The following PDGFRA variants were observed in gnomAD, a reference collection of about 807,000 sequenced individuals.
PDGFRA encodes platelet derived growth factor receptor alpha, also known as platelet-derived growth factor receptor alpha.
PDGFRA carries 25 observed loss-of-function variants against 121.5 expected under a neutral mutation model. The observed-to-expected ratio is 0.21, with a 90% CI of 0.15 to 0.29. The LOEUF is 0.29. PDGFRA is among the 10% of genes least tolerant of loss of function. The pLI is 1.00. For synonymous variants in PDGFRA, 463 were observed against 494.8 expected (o/e 0.94, Z 0.85); for missense variants, 1,008 against 1,345.1 (o/e 0.75, Z 3.92).
chr4:54,255,719 A>G (rs1037234429), intron 1 of PDGFRA, among the ~76,000 whole-genome samples: 1 of 151,876 alleles, frequency 6.6e-6, no homozygotes, highest in African/African-American at 2.4e-5. Flanking sequence ...GTTAGCCAGG[A>G]TGGTCTCCAT....
intron 10 of PDGFRA, 98 bp downstream of exon 10, chr4:54,273,828 C>A: frequency 1.1e-6 from 1 of 932,252 alleles, no homozygotes; most frequent in Non-Finnish European, 1.7e-6. Flanking sequence ...AAATGAAGGT[C>A]CCAAGGCAGA....
At chr4:54,271,313 G>A (rs1003481678) in intron 8 of PDGFRA, among the ~76,000 whole-genome samples, 3 of 152,196 alleles carry the variant, frequency 2.0e-5, no homozygotes, top group African/African-American at 7.2e-5. Context: ...GTGCGCTCAT[G>A]TGATCCTCAC....
intron 5 of PDGFRA, among the ~76,000 whole-genome samples, chr4:54,265,730 A>G (rs1329009427): frequency 6.6e-6 from 1 of 152,222 alleles, no homozygotes; most frequent in Non-Finnish European, 1.5e-5. Context: ...ACAGAGTCTC[A>G]GTCATTCTAA....
At chr4:54,236,048 G>C (rs1720989781) in intron 1 of PDGFRA, among the ~76,000 whole-genome samples, 1 of 152,224 alleles carries the variant, frequency 6.6e-6, no homozygotes, top group African/African-American at 2.4e-5. Context: ...AACAGGGCGG[G>C]GGGTCTCTTT....
intron 3 of PDGFRA, among the ~76,000 whole-genome samples, chr4:54,262,118 G>A (rs949382737): frequency 1.3e-5 from 2 of 151,702 alleles, no homozygotes; most frequent in African/African-American, 4.8e-5. Context: ...TAGTTGAGAC[G>A]GGGGTTTCAC....
At chr4:54,245,036 C>T (rs866776108) in intron 1 of PDGFRA, among the ~76,000 whole-genome samples, 27 of 152,160 alleles carry the variant, frequency 1.8e-4, no homozygotes, top group Middle Eastern at 3.4e-3. Context: ...TAAAAAGAAA[C>T]GAACAAAGCC....
intron 9 of PDGFRA, among the ~76,000 whole-genome samples, chr4:54,273,155 C>T (rs1723497152): frequency 6.6e-6 from 1 of 152,138 alleles, no homozygotes; most frequent in African/African-American, 2.4e-5. Context: ...GGGGCTCTTC[C>T]CAGTGTGAGT....
chr4:54,241,887 G>T (rs1721320110), intron 1 of PDGFRA, among the ~76,000 whole-genome samples: 1 of 152,082 alleles, frequency 6.6e-6, no homozygotes, highest in South Asian at 2.1e-4. Flanking sequence ...TCTAAATTTT[G>T]GTGCCCTATG....
intron 12 of PDGFRA, chr4:54,277,055 T>TA: frequency 7.7e-6 from 3 of 389,448 alleles, no homozygotes; most frequent in Admixed American, 7.6e-5. Context: ...CCAGGAGGTG[T>TA]GGGTGAGAGC....
At chr4:54,266,716 C>T (rs1723048246) in intron 5 of PDGFRA, among the ~76,000 whole-genome samples, 2 of 152,062 alleles carry the variant, frequency 1.3e-5, no homozygotes, top group African/African-American at 2.4e-5. Flanking sequence ...TGTGGTGGCT[C>T]ATGCCTGTAA....
chr4:54,241,311 A>G (rs1160018963), intron 1 of PDGFRA, among the ~76,000 whole-genome samples: 1 of 152,100 alleles, frequency 6.6e-6, no homozygotes, highest in East Asian at 1.9e-4. Flanking sequence ...TTGGTAAGGA[A>G]TGTTATAAAG....
intron 1 of PDGFRA, among the ~76,000 whole-genome samples, chr4:54,247,365 T>C (rs961329530): frequency 1.8e-4 from 28 of 152,294 alleles, no homozygotes; most frequent in African/African-American, 6.3e-4. Flanking sequence ...AAAAAGCTTA[T>C]CCACCATGAT....
chr4:54,274,625 G>A lies in PDGFRA; in HGVS notation c.1653G>A (p.Gln551=), dbSNP rs2110297128. The A allele has an allele frequency of 6.2e-7, 1 of 1,607,366 alleles. No homozygotes were observed. The highest frequency in any genetic ancestry group is 8.5e-7 in the Non-Finnish European group (1 of 1,173,804). The part of the protein sequence containing the change: ...SLIVLVVIWK[Q]KPRYEIRWRV... ...TTGTCCTGGTTGTCATTTGGAAACA[G>A]GTAGATATTTTCTCATAAAACTAAA... Residue 551 remains glutamine (Q), a splice_region_variant and synonymous_variant, in exon 11 of 23, where the codon CAG becomes CAA. Coordinates refer to ENST00000257290, the MANE Select transcript of PDGFRA (RefSeq NM_006206.6).
chr4:54,286,504 GCAC>G (rs1000713453), intron 18 of PDGFRA, among the ~76,000 whole-genome samples: 1 of 151,902 alleles, frequency 6.6e-6, no homozygotes, highest in Non-Finnish European at 1.5e-5. Flanking sequence ...TTACAGGCAT[GCAC>G]CACCATGTTC....
At chr4:54,230,232 G>C (rs921285755) in intron 1 of PDGFRA, 1 of 153,228 alleles carries the variant, frequency 6.5e-6, no homozygotes, top group African/African-American at 2.4e-5. Flanking sequence ...GGGAGAGCGG[G>C]TGCCTGCCGG....
chr4:54,255,145 G>A (rs995475791), intron 1 of PDGFRA, among the ~76,000 whole-genome samples: 20 of 152,276 alleles, frequency 1.3e-4, no homozygotes, highest in African/African-American at 4.8e-4. Flanking sequence ...ACCTCTCTGA[G>A]CCTCAACTGC....
At chr4:54,255,321 C>G (rs1283727867) in intron 1 of PDGFRA, among the ~76,000 whole-genome samples, 1 of 152,162 alleles carries the variant, frequency 6.6e-6, no homozygotes, top group African/African-American at 2.4e-5. Context: ...TTCTTCCTCT[C>G]CCATTTTCCT....
At chr4:54,232,429 G>A (rs918412643) in intron 1 of PDGFRA, among the ~76,000 whole-genome samples, 4 of 152,202 alleles carry the variant, frequency 2.6e-5, no homozygotes, top group Non-Finnish European at 4.4e-5. Context: ...TTGTAGGAGG[G>A]AATAATGGGA....
chr4:54,284,670 T>A (rs1466920722), intron 16 of PDGFRA, among the ~76,000 whole-genome samples: 1 of 151,526 alleles, frequency 6.6e-6, no homozygotes, highest in Admixed American at 6.6e-5. Context: ...ACCAAGGGGA[T>A]GGTGCTAAAC....
Sources: allele counts gnomAD v4.1 joint callset (sites outside exome capture counted in the v4.1 genomes callset), GRCh38; gene constraint gnomAD v4.1.1; transcripts MANE v1.5; gene names NCBI Gene and HGNC (gene_info 2026-07-23, HGNC 2026-07-21).